SSUH2: variants seen among roughly 807,000 people sequenced by gnomAD.
The protein encoded by SSUH2 is protein SSUH2 homolog.
In SSUH2, 47 loss-of-function variants were observed where a neutral mutation model predicts 55.3. That is an observed-to-expected ratio of 0.85 (90% confidence interval 0.67 to 1.08). The LOEUF (loss-of-function observed/expected upper bound fraction) is 1.08, where lower values mean the gene tolerates loss of function less well. SSUH2 is among the 50% of genes least tolerant of loss of function. The pLI is 0.00. For synonymous variants in SSUH2, 212 were observed against 191.5 expected, an observed-to-expected ratio of 1.11 and a Z score of -0.89; for missense variants, 535 against 490.7, an observed-to-expected ratio of 1.09 and a Z score of -0.85.
At chr3:8,656,830 TC>T (rs1702978018) in intron 7 of SSUH2, among the ~76,000 whole-genome samples, 1 of 152,104 alleles carries the variant, frequency 6.6e-6, no homozygotes, top group Non-Finnish European at 1.5e-5. Flanking sequence ...TGCCTCCTCT[TC>T]CATGGGATTT....
intron 7 of SSUH2, among the ~76,000 whole-genome samples, chr3:8,658,515 C>T (rs1057098591): frequency 3.9e-5 from 6 of 152,170 alleles, no homozygotes; most frequent in African/African-American, 1.2e-4. Context: ...GGGGCAGGTG[C>T]GTAAACTCTG....
chr3:8,680,150 G>A (rs191233392), intron 1 of SSUH2, among the ~76,000 whole-genome samples: 15 of 152,308 alleles, frequency 9.8e-5, no homozygotes, highest in South Asian at 6.2e-4. Flanking sequence ...GGCCGAGGCC[G>A]GTGGCCTACG....
At chr3:8,639,308 G>C (rs538639157) in intron 1 of SSUH2, among the ~76,000 whole-genome samples, 44 of 152,302 alleles carry the variant, frequency 2.9e-4, no homozygotes, top group African/African-American at 1.0e-3. Flanking sequence ...CTCCCAAAGG[G>C]ACATTGTAGG....
intron 1 of SSUH2, among the ~76,000 whole-genome samples, chr3:8,636,492 C>A (rs191716436): frequency 6.6e-6 from 1 of 152,140 alleles, no homozygotes; most frequent in Non-Finnish European, 1.5e-5. Context: ...CTGCCTGAGC[C>A]CTACCCTAAT....
upstream of SSUH2, among the ~76,000 whole-genome samples, chr3:8,646,624 T>C (rs1177836958): frequency 1.3e-5 from 2 of 152,220 alleles, no homozygotes; most frequent in East Asian, 3.8e-4. Context: ...GCTAGACCTT[T>C]CTGATCTTGC....
Position 8,633,715 on chromosome 3 carries a change from AC to A in SSUH2, c.289del (p.Val97TrpfsTer10). On this transcript the variant is annotated frameshift_variant, in exon 4 of 12. Transcript: ENST00000544814. LOFTEE classifies it high-confidence loss of function. ...VDSKCCYSST[V>X]AGDLVIQELK... ...CTCCTGGATGACGAGGTCTCCAGCC[AC>A]CGTGCTGCTGTAGCAGCACTTAGAG... 1 of 1,554,966 alleles carries A rather than the reference AC, an allele frequency of 6.4e-7. No homozygotes were observed. Among genetic ancestry groups the A allele is most frequent in the Non-Finnish European group, 8.7e-7 (1 of 1,149,972 alleles).
At chr3:8,656,137 A>C (rs1702914716) in intron 7 of SSUH2, among the ~76,000 whole-genome samples, 1 of 152,208 alleles carries the variant, frequency 6.6e-6, no homozygotes, top group Non-Finnish European at 1.5e-5. Context: ...GAGAGAGACC[A>C]GGTTTGTGCA....
At position 8,619,792 on chromosome 3, in the gene SSUH2, G is replaced by T. The variant is rs533706397; in HGVS notation, c.*76C>A. ...ATGTGATTGTCCAATGCAGCCAACA[G>T]TGAACACACTCAGAGAGTGTCGGCC... is the stretch of plus-strand genomic sequence containing the variant. On this transcript the variant is annotated 3_prime_UTR_variant, in exon 12 of 12. Coordinates refer to ENST00000544814, the MANE Select transcript of SSUH2 (RefSeq NM_001256748.3). 3.8e-5 allele frequency: 59 copies of T among 1,533,468 alleles called. 1 individual carries two copies. In the African/African-American group the frequency reaches 6.4e-4, roughly 17 times the overall value. The allele number at this position is 1,533,468 out of a possible 1,614,324, so 95.0% of individuals were successfully genotyped here. A position where few individuals can be genotyped will look rare whatever the true frequency, so the allele number is the denominator to read the frequency against.
chr3:8,671,322 A>G lies in SSUH2; in HGVS notation c.-610-169T>C, dbSNP rs981541921. ...TTTCACAAGGTGTACAACCTCTGTG[A>G]CATTAAGAGTCACATTTCCCTAGAA... On this transcript the variant is annotated intron_variant, in intron 4 of 18. Coordinates refer to the SSUH2 transcript ENST00000317371. Among the ~76,000 whole-genome samples the G allele has an allele frequency of 7.9e-5, 12 of 152,124 alleles. No homozygotes were observed. The South Asian group carries it at 8.3e-4, about 11-fold the overall frequency.
intron 3 of SSUH2, among the ~76,000 whole-genome samples, chr3:8,672,722 T>C (rs546301780): frequency 6.8e-6 from 1 of 147,592 alleles, no homozygotes; most frequent in Non-Finnish European, 1.5e-5. Context: ...CTCCGGATAT[T>C]AGGAACAATG....
At chr3:8,631,140 T>G (rs1369263600) in intron 5 of SSUH2, among the ~76,000 whole-genome samples, 1 of 152,182 alleles carries the variant, frequency 6.6e-6, no homozygotes, top group Non-Finnish European at 1.5e-5. Flanking sequence ...CTCCTGGCTC[T>G]TTTATGTCCT....
At chr3:8,641,664 G>A (rs551709277) in intron 1 of SSUH2, among the ~76,000 whole-genome samples, 105 of 152,330 alleles carry the variant, frequency 6.9e-4, no homozygotes, top group Non-Finnish European at 1.0e-3. Flanking sequence ...AGAGGCCAGG[G>A]CTAACCTAGC....
intron 10 of SSUH2, among the ~76,000 whole-genome samples, chr3:8,624,747 G>A (rs1162225522): frequency 6.6e-6 from 1 of 152,192 alleles, no homozygotes; most frequent in African/African-American, 2.4e-5. Context: ...TTCCAATAAA[G>A]CTTTATCGAC....
At position 8,623,635 on chromosome 3, in the gene SSUH2, G is replaced by C; in HGVS notation, c.895C>G (p.Pro299Ala). 1.3e-6 allele frequency: 2 copies of C among 1,538,606 alleles called. No individual in the cohort carries two copies. The change falls in exon 11 of 12, where the codon CCT becomes GCT. Residue 299 changes from proline to alanine, a missense_variant. Coordinates refer to ENST00000544814, the MANE Select transcript of SSUH2 (RefSeq NM_001256748.3). ...NSVVYPIVDF[P>A]LRDISLASQR... is the part of the protein sequence containing the mutation. ...GAGGCAAGAGAGATGTCTCGCAGAGGGAAGTCCACGATGGGGTACACCTGG... is the reference window on the plus strand; with the variant it reads ...GAGGCAAGAGAGATGTCTCGCAGAGCGAAGTCCACGATGGGGTACACCTGG...
At position 8,619,970 on chromosome 3, in the gene SSUH2, C is replaced by T. The variant is rs768506322; in HGVS notation, c.1026G>A (p.Trp342Ter). The T allele has an allele frequency of 5.0e-6, 8 of 1,614,118 alleles. No individual in the cohort carries two copies. The highest frequency in any genetic ancestry group is 3.3e-4 in the Middle Eastern group (2 of 6,062). Residue 342 changes from tryptophan (W) to a stop codon, truncating the protein, a stop_gained, in exon 12 of 12, where the codon TGG becomes TGA. Coordinates refer to ENST00000544814, the MANE Select transcript of SSUH2 (RefSeq NM_001256748.3). LOFTEE classifies it high-confidence loss of function. ...AGTAGACATAAGTCTTTCCTTGGTA[C>T]CAATAGTGAACTTCTGTGAGGGGGA... ...ELIPLTEVHY[W>*]YQGKTYVYYI...
At chr3:8,627,858 C>T in intron 7 of SSUH2, 75 bp from the exon 8 acceptor site, 1 of 1,368,360 alleles carries the variant, frequency 7.3e-7, no homozygotes. Flanking sequence ...AGACCTGGTT[C>T]AAATCCCAGC....
At chr3:8,638,434 G>A (rs889347842) in intron 1 of SSUH2, among the ~76,000 whole-genome samples, 3 of 152,218 alleles carry the variant, frequency 2.0e-5, no homozygotes, top group Non-Finnish European at 4.4e-5. Context: ...CATAGACGTA[G>A]AGTGCCTTTG....
intron 4 of SSUH2, 60 bp from the exon 5 acceptor site, chr3:8,632,169 C>G: frequency 6.9e-7 from 1 of 1,442,890 alleles, no homozygotes; most frequent in Non-Finnish European, 9.8e-7. Context: ...GAGCATTATG[C>G]AAAAAGATGA....
intron 1 of SSUH2, among the ~76,000 whole-genome samples, chr3:8,640,678 A>C (rs1308384405): frequency 2.0e-5 from 3 of 152,162 alleles, no homozygotes; most frequent in Non-Finnish European, 4.4e-5. Context: ...GGAGAAAGGC[A>C]AGCCTGCTGG....
Sources: gnomAD v4.1 joint callset for allele counts (sites outside exome capture counted in the v4.1 genomes callset) on GRCh38, gnomAD v4.1.1 for gene constraint, MANE v1.5 for transcripts, NCBI Gene and HGNC (gene_info 2026-07-23, HGNC 2026-07-21) for gene names.